The following RBBP8 variants were observed in gnomAD, a reference collection of about 807,000 sequenced individuals.
RBBP8 encodes the protein RB binding protein 8, endonuclease.
RBBP8 carries 88 observed loss-of-function variants against 108.3 expected under a neutral mutation model. The observed-to-expected ratio is 0.81, with a 90% confidence interval of 0.68 to 0.97. The LOEUF is 0.97. Among genes scored for constraint, RBBP8 ranks in the 50% least tolerant of loss-of-function variants. The probability of loss-of-function intolerance (pLI) is 0.00; values close to 1 mark genes in which losing one functional copy is unlikely to be tolerated. For missense variants in RBBP8, 1,023 were observed against 1,049.0 expected (o/e 0.98, Z 0.34); for synonymous variants, 332 against 348.2 (o/e 0.95, Z 0.52).
At chr18:22,935,954 G>GA (rs1910537518) in intron 1 of RBBP8, among the ~76,000 whole-genome samples, 1 of 152,078 alleles carries the variant, frequency 6.6e-6, no homozygotes, top group African/African-American at 2.4e-5. Context: ...AAGTTATACA[G>GA]ATCCTCATCT....
chr18:22,974,185 G>A (rs1241210073), intron 5 of RBBP8, among the ~76,000 whole-genome samples: 7 of 152,164 alleles, frequency 4.6e-5, no homozygotes, highest in Non-Finnish European at 7.4e-5. Flanking sequence ...TAAAACACAT[G>A]CTTAACCAGT....
At chr18:23,022,896 A>G (rs866223765) in intron 18 of RBBP8, among the ~76,000 whole-genome samples, 1 of 117,274 alleles carries the variant, frequency 8.5e-6, no homozygotes, top group East Asian at 2.3e-4. Context: ...CTTTTATTCT[A>G]TCATCAAAAT....
Position 22,991,018 on chromosome 18 carries a change from G to A in RBBP8, c.889G>A (p.Glu297Lys), listed in dbSNP as rs770971261. Residue 297 changes from glutamate (E) to lysine (K), a missense_variant, in exon 10 of 19, where the codon GAA becomes AAA. Transcript: ENST00000327155. Reference sequence around the variant, plus strand: ...AAATCACAAGAAACAGCCTTTTGAGGAATCTACAAGAAATACTGAAGATAG... The same window carrying A: ...AAATCACAAGAAACAGCCTTTTGAGAAATCTACAAGAAATACTGAAGATAG... ...EGNHKKQPFE[E>K]STRNTEDSLR... The A allele has an allele frequency of 6.2e-6, 10 of 1,612,950 alleles. No individual in the cohort carries two copies. In the South Asian group the frequency reaches 9.9e-5, roughly 16 times the overall value.
chr18:22,967,645 ATTT>A (rs1410826642), intron 4 of RBBP8, among the ~76,000 whole-genome samples: 4 of 131,502 alleles, frequency 3.0e-5, no homozygotes, highest in Admixed American at 1.5e-4. Flanking sequence ...GCTATTTCGT[ATTT>A]TTTTTTTTTT....
chr18:22,932,203 GGACCACAGTAGA>G (rs1271738413), upstream of RBBP8, among the ~76,000 whole-genome samples: 21 of 152,128 alleles, frequency 1.4e-4, no homozygotes, highest in Admixed American at 1.4e-3. Flanking sequence ...GTTTTTCTTT[GGACCACAGTAGA>G]GACCACAGCA....
chr18:22,962,706 C>G (rs1913214178), intron 4 of RBBP8, among the ~76,000 whole-genome samples: 1 of 146,708 alleles, frequency 6.8e-6, no homozygotes, highest in African/African-American at 2.5e-5. Context: ...TCTCCACCCC[C>G]CCTACCTCAA....
Position 22,936,635 on chromosome 18 carries a change from T to C in RBBP8, c.-98-119T>C. 5.6e-6 allele frequency: 3 copies of C among 533,018 alleles called. No individual in the cohort carries two copies. The South Asian group carries it at 6.8e-5, about 12-fold the overall frequency. The allele number at this position is 533,018 out of a possible 1,614,324, so 33.0% of individuals were successfully genotyped here. On this transcript the variant is annotated intron_variant, in intron 1 of 18. Transcript: ENST00000327155. ...TTCCCCTCCCAAATTCTAAAAATGA[T>C]TGATTATAGGTAAATAAGGAAATGG...
chr18:23,011,749 A>G (rs977523589), intron 16 of RBBP8, among the ~76,000 whole-genome samples: 8 of 151,942 alleles, frequency 5.3e-5, no homozygotes, highest in South Asian at 4.2e-4. Context: ...TGATGCTGTT[A>G]TTATAAGTGT....
intron 4 of RBBP8, among the ~76,000 whole-genome samples, chr18:22,965,962 T>G (rs1307647103): frequency 6.6e-6 from 1 of 152,240 alleles, no homozygotes; most frequent in Non-Finnish European, 1.5e-5. Context: ...TTATTTTATT[T>G]ATTTAAATTG....
At chr18:23,024,325 A>G (rs1459430241) in intron 18 of RBBP8, among the ~76,000 whole-genome samples, 1 of 152,212 alleles carries the variant, frequency 6.6e-6, no homozygotes, top group Non-Finnish European at 1.5e-5. Flanking sequence ...CATTCTTTTA[A>G]TAAGACAACA....
At position 22,975,190 on chromosome 18, in the gene RBBP8, G is replaced by T. The variant is rs370650360; in HGVS notation, c.399G>T (p.Lys133Asn). The change falls in exon 6 of 19, where the codon AAG becomes AAT. Residue 133 changes from lysine (K) to asparagine (N), a missense_variant. By Grantham distance (94) the Lys-to-Asn change is moderately conservative (BLOSUM62 0). Transcript: ENST00000327155. ...ATACTCTACAGGAAGAAAATAAAAAGCTTTCTGAACAACTCCAGCAGAAAA... is the reference window on the plus strand; with the variant it reads ...ATACTCTACAGGAAGAAAATAAAAATCTTTCTGAACAACTCCAGCAGAAAA... Reference protein sequence around the residue: ...ERNTLQEENKKLSEQLQQKIE... With the variant: ...ERNTLQEENKNLSEQLQQKIE... 4.3e-6 allele frequency: 7 copies of T among 1,612,612 alleles called. No homozygotes were observed. The highest frequency in any genetic ancestry group is 5.9e-6 in the Non-Finnish European group (7 of 1,179,272).
chr18:22,955,994 CA>C, intron 4 of RBBP8, among the ~76,000 whole-genome samples: 1 of 152,108 alleles, frequency 6.6e-6, no homozygotes, highest in East Asian at 1.9e-4. Flanking sequence ...CTTAAATGAT[CA>C]TCTCAAAGTA....
rs1374656802 is a variant in RBBP8 at position 22,975,294 on chromosome 18, C to T, written c.428+75C>T. 6.4e-6 allele frequency: 10 copies of T among 1,555,118 alleles called. No individual in the cohort carries two copies. The Admixed American group carries it at 1.7e-4, about 27-fold the overall frequency. On this transcript the variant is annotated intron_variant, in intron 6 of 18. Transcript: ENST00000327155. ...ACCATGAAGATAACTGTAAGAGTTGCAGATTTCATTTTAAAAATTATGAAG... is the reference window on the plus strand; with the variant it reads ...ACCATGAAGATAACTGTAAGAGTTGTAGATTTCATTTTAAAAATTATGAAG...
At chr18:22,982,173 A>C (rs1914973006) in intron 6 of RBBP8, 45 bp from the exon 7 acceptor site, 1 of 1,569,524 alleles carries the variant, frequency 6.4e-7, no homozygotes, top group African/African-American at 1.4e-5. Flanking sequence ...TAAATGTTTT[A>C]ATACTCATTG....
intron 3 of RBBP8, among the ~76,000 whole-genome samples, chr18:22,921,283 T>C (rs1909583327): frequency 6.6e-6 from 1 of 152,204 alleles, no homozygotes; most frequent in Admixed American, 6.5e-5. Flanking sequence ...AAGCCCAGTA[T>C]CTTCTTAGGA....
intron 17 of RBBP8, among the ~76,000 whole-genome samples, chr18:23,018,618 C>T (rs2046300879): frequency 6.6e-6 from 1 of 152,136 alleles, no homozygotes; most frequent in Non-Finnish European, 1.5e-5. Flanking sequence ...ATCCCTATTA[C>T]AATGTAAATG....
chr18:22,996,540 C>A, intron 13 of RBBP8, 78 bp downstream of exon 13: 1 of 1,570,926 alleles, frequency 6.4e-7, no homozygotes, highest in Non-Finnish European at 8.6e-7. Flanking sequence ...TCGTGACTCA[C>A]TGTATCACCT....
At chr18:22,961,716 G>A (rs1913112519) in intron 4 of RBBP8, among the ~76,000 whole-genome samples, 1 of 152,102 alleles carries the variant, frequency 6.6e-6, no homozygotes, top group South Asian at 2.1e-4. Flanking sequence ...GTGTATGTGG[G>A]CCCAAGACAG....
chr18:22,943,036 C>T (rs914720233), intron 2 of RBBP8, among the ~76,000 whole-genome samples: 1 of 151,952 alleles, frequency 6.6e-6, no homozygotes, highest in Non-Finnish European at 1.5e-5. Context: ...ATAAATATTT[C>T]TTGATTCATT....
Sources: gnomAD v4.1 joint callset for allele counts (sites outside exome capture counted in the v4.1 genomes callset) on GRCh38, gnomAD v4.1.1 for gene constraint, MANE v1.5 for transcripts, NCBI Gene and HGNC (gene_info 2026-07-23, HGNC 2026-07-21) for gene names.